JAK1: variants seen among roughly 807,000 people sequenced by gnomAD.
JAK1 encodes tyrosine-protein kinase JAK1.
Under a neutral mutation model 136.6 loss-of-function variants are expected in JAK1, and 16 were observed. That is an observed-to-expected ratio of 0.12 (90% CI 0.08 to 0.18). The LOEUF is 0.18. Ranked by LOEUF, JAK1 falls within the 10% of genes least tolerant of loss-of-function variation. JAK1 has a pLI of 1.00. For synonymous variants in JAK1, 492 were observed against 519.5 expected, an observed-to-expected ratio of 0.95 and a Z score of 0.72; for missense variants, 859 against 1,450.1, an observed-to-expected ratio of 0.59 and a Z score of 6.62.
chr1:64,850,202 G>A (rs957731924), intron 12 of JAK1, among the ~76,000 whole-genome samples: 7 of 152,130 alleles, frequency 4.6e-5, no homozygotes, highest in African/African-American at 1.7e-4. Context: ...ACAGAAAGTG[G>A]GCTTTCCCTG....
intron 2 of JAK1, among the ~76,000 whole-genome samples, chr1:65,036,849 C>G (rs1647079082): frequency 3.9e-5 from 6 of 152,142 alleles, no homozygotes. Context: ...CTGTGCATAA[C>G]TAGAGTAATT....
At chr1:65,029,840 G>A (rs527518454) in intron 2 of JAK1, among the ~76,000 whole-genome samples, 3 of 152,198 alleles carry the variant, frequency 2.0e-5, no homozygotes, top group South Asian at 4.1e-4. Flanking sequence ...GAAGAATAAC[G>A]AATGGGTACT....
At chr1:64,860,301 C>G (rs199618945) in intron 8 of JAK1, 39 bp from the exon 9 acceptor site, 1 of 1,548,338 alleles carries the variant, frequency 6.5e-7, no homozygotes, top group African/African-American at 1.4e-5. Flanking sequence ...TACATCATGT[C>G]TCTATCAGCT....
chr1:64,845,991 C>T (rs1229479069), intron 14 of JAK1, among the ~76,000 whole-genome samples: 2 of 152,248 alleles, frequency 1.3e-5, no homozygotes, highest in Non-Finnish European at 2.9e-5. Context: ...TGTTCTACAA[C>T]ACACTGTGAT....
intron 9 of JAK1, among the ~76,000 whole-genome samples, chr1:64,858,576 T>C (rs1434645263): frequency 6.6e-6 from 1 of 152,194 alleles, no homozygotes; most frequent in East Asian, 1.9e-4. Context: ...GCAAGGAATG[T>C]CAGCATCCCA....
intron 2 of JAK1, among the ~76,000 whole-genome samples, chr1:65,000,715 A>G (rs1168066274): frequency 6.6e-6 from 1 of 152,226 alleles, no homozygotes; most frequent in Non-Finnish European, 1.5e-5. Flanking sequence ...CGATGTGATT[A>G]CATATAATGC....
chr1:64,960,509 T>A (rs963563177), intron 1 of JAK1, among the ~76,000 whole-genome samples: 1 of 152,150 alleles, frequency 6.6e-6, no homozygotes, highest in African/African-American at 2.4e-5. Context: ...TACTCAGAGG[T>A]ACCATAAATT....
chr1:64,883,580 G>T, intron 2 of JAK1, 105 bp from the exon 3 acceptor site: 2 of 900,262 alleles, frequency 2.2e-6, no homozygotes, highest in Non-Finnish European at 3.5e-6. Flanking sequence ...ATTTGGTGTT[G>T]GTATTGGATA....
At chr1:64,966,050 G>C (rs1292437510) in intron 1 of JAK1, among the ~76,000 whole-genome samples, 1 of 152,024 alleles carries the variant, frequency 6.6e-6, no homozygotes, top group Admixed American at 6.5e-5. Context: ...AAAACTTGCC[G>C]TGCGCGCTGG....
intron 2 of JAK1, among the ~76,000 whole-genome samples, chr1:64,977,996 T>C (rs1266747470): frequency 6.6e-6 from 1 of 151,522 alleles, no homozygotes; most frequent in Non-Finnish European, 1.5e-5. Context: ...TAAAATATAC[T>C]TGGCTGGACG....
chr1:64,878,569 A>ATATT (rs1644715875), intron 4 of JAK1, among the ~76,000 whole-genome samples: 1 of 30,912 alleles, frequency 3.2e-5, no homozygotes, highest in African/African-American at 1.9e-4. Context: ...GTGTATATAT[A>ATATT]TATATATATA....
chr1:64,942,338 C>T (rs1226927891), intron 1 of JAK1: 1 of 152,190 alleles, frequency 6.6e-6, no homozygotes, highest in Non-Finnish European at 1.5e-5. Flanking sequence ...AAGGACAATA[C>T]ATGACACTTT....
chr1:64,895,510 C>T (rs1415345219), intron 1 of JAK1, among the ~76,000 whole-genome samples: 1 of 152,188 alleles, frequency 6.6e-6, no homozygotes, highest in East Asian at 1.9e-4. Context: ...GTGAGACATT[C>T]CCCAGCTGAA....
At chr1:65,042,457 C>A (rs1647143421) in intron 2 of JAK1, among the ~76,000 whole-genome samples, 2 of 151,750 alleles carry the variant, frequency 1.3e-5, no homozygotes, top group African/African-American at 4.8e-5. Context: ...CCAGAAATTT[C>A]TTTTTACAGT....
At chr1:65,058,534 C>T (rs761907051) in intron 1 of JAK1, 10 of 531,578 alleles carry the variant, frequency 1.9e-5, no homozygotes, top group African/African-American at 1.4e-4. Flanking sequence ...TGTCGGTCAA[C>T]GGCATCCTTT....
chr1:64,925,972 G>A (rs1645576436), intron 1 of JAK1, among the ~76,000 whole-genome samples: 2 of 152,080 alleles, frequency 1.3e-5, no homozygotes, highest in South Asian at 4.1e-4. Context: ...CCCAGGAGGT[G>A]GGCAGGCTCC....
intron 1 of JAK1, among the ~76,000 whole-genome samples, chr1:64,928,797 C>CAAA (rs397953329): frequency 1.2e-5 from 1 of 80,816 alleles, no homozygotes; most frequent in Admixed American, 1.4e-4. Context: ...AAAAAAAAAA[C>CAAA]AAAAAAAAAA....
intron 1 of JAK1, among the ~76,000 whole-genome samples, chr1:64,914,306 G>C (rs558166257): frequency 9.2e-5 from 14 of 152,258 alleles, no homozygotes; most frequent in Non-Finnish European, 1.5e-4. Context: ...AATGAAGAGG[G>C]AACAATTTTA....
chr1:64,860,142 C>T lies in JAK1; in HGVS notation c.1297G>A (p.Val433Ile), dbSNP rs375122732. 3.8e-6 allele frequency: 6 copies of T among 1,598,166 alleles called. No individual in the cohort carries two copies. Among genetic ancestry groups the T allele is most frequent in the South Asian group, 1.1e-5 (1 of 89,010 alleles). The change falls in exon 9 of 25, where the codon GTC becomes ATC. Residue 433 changes from valine to isoleucine, a missense_variant. This residue lies in a region of JAK1 where 409 missense variants were observed against 753.8 expected (regional missense o/e 0.54). Coordinates refer to ENST00000342505, the MANE Select transcript of JAK1 (RefSeq NM_002227.4). Reference protein sequence around the residue: ...LCTDVAPPLIVHNIQNGCHGP... With the variant: ...LCTDVAPPLIIHNIQNGCHGP... ...TGACAGCCATTCTGTATGTTGTGGACGATCAACGGGGGGGCCACGTCGGTG... is the reference window on the plus strand; with the variant it reads ...TGACAGCCATTCTGTATGTTGTGGATGATCAACGGGGGGGCCACGTCGGTG...
Sources: allele counts gnomAD v4.1 joint callset (sites outside exome capture counted in the v4.1 genomes callset), GRCh38; gene constraint gnomAD v4.1.1; regional missense constraint gnomAD v4.1.1; transcripts MANE v1.5; gene names NCBI Gene and HGNC (gene_info 2026-07-23, HGNC 2026-07-21).